Variants in FANCA observed in about 807,000 individuals in gnomAD.
FANCA encodes the protein FA complementation group A.
FANCA carries 236 observed loss-of-function variants against 194.3 expected under a neutral mutation model. That is an observed-to-expected ratio of 1.21 (90% CI 1.09 to 1.35). The LOEUF is 1.35. Ranked by LOEUF, FANCA falls within the 40% of genes most tolerant of loss-of-function variation. FANCA has a pLI of 0.00. For missense variants in FANCA, 2,628 were observed against 1,813.9 expected (o/e 1.45, Z -8.15); for synonymous variants, 1,014 against 715.8 (o/e 1.42, Z -6.65).
intron 36 of FANCA, among the ~76,000 whole-genome samples, chr16:89,744,215 G>A (rs754602452): frequency 2.0e-5 from 3 of 152,206 alleles, no homozygotes; most frequent in Non-Finnish European, 4.4e-5. Context: ...TCTTTCAGCA[G>A]ACGGCGAGCA....
At chr16:89,799,548 A>G in intron 9 of FANCA, 57 bp downstream of exon 9, 8 of 1,501,376 alleles carry the variant, frequency 5.3e-6, no homozygotes, top group African/African-American at 1.4e-5. Flanking sequence ...AACTGATACA[A>G]TTGCTAATAA....
intron 28 of FANCA, among the ~76,000 whole-genome samples, chr16:89,764,591 C>T (rs1008089307): frequency 2.0e-5 from 3 of 152,200 alleles, no homozygotes; most frequent in African/African-American, 7.2e-5. Flanking sequence ...CAGGTGTGAG[C>T]ACCGTGCCCA....
In FANCA at chr16:89,786,151, T is replaced by C. The variant is rs540083879; in HGVS notation, c.1360-1187A>G. Among the ~76,000 whole-genome samples the C allele has an allele frequency of 4.0e-5, 6 of 149,648 alleles. No homozygotes were observed. In the South Asian group the frequency reaches 1.3e-3, roughly 32 times the overall value. On this transcript the variant is annotated intron_variant, in intron 14 of 42. Transcript: ENST00000389301. ...CTCCCACCTCTGCCTCCCAAGTAGC[T>C]GGGACTACAAGCACGTGCCACCAAG...
In FANCA at chr16:89,765,070, A is replaced by G. The variant is rs769423529; in HGVS notation, c.2602-4T>C. On this transcript the variant is annotated splice_polypyrimidine_tract_variant and splice_region_variant and intron_variant, in intron 27 of 42. Coordinates refer to ENST00000389301, the MANE Select transcript of FANCA (RefSeq NM_000135.4). ...ATCTGAACATGAGGAACTGAAACTG[A>G]AACAGAGAGTGACCCGGCCGTTTCT... The G allele has an allele frequency of 6.2e-6, 10 of 1,614,022 alleles. No homozygotes were observed. The highest frequency in any genetic ancestry group is 8.5e-6 in the Non-Finnish European group (10 of 1,179,918).
At chr16:89,804,831 A>C (rs2040578409) in intron 7 of FANCA, among the ~76,000 whole-genome samples, 1 of 152,166 alleles carries the variant, frequency 6.6e-6, no homozygotes, top group African/African-American at 2.4e-5. Context: ...CAGGAGTTCA[A>C]GAGCAGCCTG....
chr16:89,756,680 G>A (rs780615812), intron 30 of FANCA, among the ~76,000 whole-genome samples: 5 of 152,138 alleles, frequency 3.3e-5, no homozygotes, highest in East Asian at 1.9e-4. Flanking sequence ...CAAAGTGAAT[G>A]GATAAACAAA....
At position 89,742,836 on chromosome 16, in the gene FANCA, C is replaced by G; in HGVS notation, c.3729G>C (p.Arg1243Ser). Residue 1243 changes from arginine to serine, a missense_variant, in exon 37 of 43, where the codon AGG becomes AGC. Arg to Ser is a moderately radical substitution (Grantham distance 110, BLOSUM62 -1). Transcript: ENST00000389301. Reference sequence around the variant, plus strand: ...CGCAGTCCAGCTTCTTTAGCTGCTTCCTGATGTTTTCTTCCCTGACTTGTT... The same window carrying G: ...CGCAGTCCAGCTTCTTTAGCTGCTTGCTGATGTTTTCTTCCCTGACTTGTT... Reference protein sequence around the residue: ...AIQQVREENIRKQLKKLDCER... With the variant: ...AIQQVREENISKQLKKLDCER... The G allele has an allele frequency of 6.2e-7, 1 of 1,614,128 alleles. No individual in the cohort carries two copies. The highest frequency in any genetic ancestry group is 1.7e-5 in the Admixed American group (1 of 60,002).
chr16:89,807,137 A>C (rs1046706128), intron 6 of FANCA, among the ~76,000 whole-genome samples: 2 of 149,380 alleles, frequency 1.3e-5, no homozygotes, highest in Admixed American at 6.6e-5. Flanking sequence ...TGCTTCATAG[A>C]TTTTGGTGCT....
At chr16:89,765,436 A>G (rs1049935921) in intron 27 of FANCA, among the ~76,000 whole-genome samples, 1 of 152,288 alleles carries the variant, frequency 6.6e-6, no homozygotes, top group Admixed American at 6.5e-5. Context: ...CTCAGCGATC[A>G]TGGCTGTGCA....
chr16:89,811,849 G>C (rs2040895002), intron 3 of FANCA, among the ~76,000 whole-genome samples: 1 of 152,038 alleles, frequency 6.6e-6, no homozygotes. Flanking sequence ...TCCTGCCTCA[G>C]CCTCCCAAGT....
chr16:89,788,520 G>C (rs1035304839), intron 14 of FANCA, among the ~76,000 whole-genome samples: 2 of 151,856 alleles, frequency 1.3e-5, no homozygotes, highest in Non-Finnish European at 2.9e-5. Context: ...CTAACTATCT[G>C]GACATGGTGG....
chr16:89,812,351 A>T (rs1158317343), intron 3 of FANCA, among the ~76,000 whole-genome samples: 17 of 145,206 alleles, frequency 1.2e-4, no homozygotes, highest in African/African-American at 4.4e-4. Flanking sequence ...AAAACAAAAC[A>T]AAAAAAAACT....
At chr16:89,796,614 G>C (rs976608332) in intron 10 of FANCA, among the ~76,000 whole-genome samples, 1 of 152,214 alleles carries the variant, frequency 6.6e-6, no homozygotes, top group African/African-American at 2.4e-5. Flanking sequence ...AGGTCTGTTA[G>C]CCTGCCACAT....
intron 17 of FANCA, among the ~76,000 whole-genome samples, chr16:89,781,287 C>A (rs1265428815): frequency 6.8e-6 from 1 of 148,046 alleles, no homozygotes; most frequent in Non-Finnish European, 1.5e-5. Context: ...TGGCATGAAC[C>A]CGGAAGGCGG....
intron 5 of FANCA, 70 bp downstream of exon 5, chr16:89,810,637 T>C (rs764623156): frequency 5.1e-6 from 5 of 986,308 alleles, no homozygotes; most frequent in African/African-American, 1.6e-5. Flanking sequence ...AGGTACTCTG[T>C]TGCCTCCATC....
chr16:89,787,655 G>C (rs1485810482), intron 14 of FANCA, among the ~76,000 whole-genome samples: 2 of 151,944 alleles, frequency 1.3e-5, no homozygotes, highest in Non-Finnish European at 2.9e-5. Context: ...AGGATCATTT[G>C]AGCCTGGAAG....
At chr16:89,785,489 G>A (rs2039866308) in intron 14 of FANCA, among the ~76,000 whole-genome samples, 2 of 152,166 alleles carry the variant, frequency 1.3e-5, no homozygotes, top group South Asian at 4.2e-4. Flanking sequence ...GGCCAAGGAG[G>A]GCCACCCCTC....
intron 31 of FANCA, 21 bp from the exon 32 acceptor site, chr16:89,749,923 G>A: frequency 6.2e-7 from 1 of 1,613,424 alleles, no homozygotes; most frequent in Non-Finnish European, 8.5e-7. Flanking sequence ...GCAGTATGCT[G>A]GCACAGGAAG....
intron 7 of FANCA, among the ~76,000 whole-genome samples, chr16:89,804,007 G>C (rs1279506948): frequency 2.0e-5 from 3 of 152,144 alleles, no homozygotes; most frequent in Non-Finnish European, 2.9e-5. Flanking sequence ...AGGGTCTAGA[G>C]GGACCCAGAA....
Sources: gnomAD v4.1 joint callset for allele counts (sites outside exome capture counted in the v4.1 genomes callset) on GRCh38, gnomAD v4.1.1 for gene constraint, MANE v1.5 for transcripts, NCBI Gene and HGNC (gene_info 2026-07-23, HGNC 2026-07-21) for gene names.